The following ZNF101 variants were observed in gnomAD, a reference collection of about 807,000 sequenced individuals.
ZNF101 encodes zinc finger protein 101.
ZNF101 carries 34 observed loss-of-function variants against 42.6 expected under a neutral mutation model. The observed-to-expected ratio is 0.80, with a 90% CI of 0.61 to 1.06. The LOEUF (loss-of-function observed/expected upper bound fraction) is 1.06, where lower values mean the gene tolerates loss of function less well. Ranked by LOEUF, ZNF101 falls within the 50% of genes least tolerant of loss-of-function variation. ZNF101 has a pLI of 0.00. For synonymous variants in ZNF101, 158 were observed against 183.9 expected (o/e 0.86, Z 1.14); for missense variants, 466 against 530.9 (o/e 0.88, Z 1.20).
chr19:19,674,643 G>A (rs2062191258), intron 1 of ZNF101, among the ~76,000 whole-genome samples: 1 of 151,998 alleles, frequency 6.6e-6, no homozygotes, highest in African/African-American at 2.4e-5. Flanking sequence ...TTTTTGTAGT[G>A]TCTGTCTTTG....
At chr19:19,678,583 C>G (rs2062217220) in intron 2 of ZNF101, 143 bp from the exon 3 acceptor site, 2 of 653,842 alleles carry the variant, frequency 3.1e-6, no homozygotes, top group Non-Finnish European at 5.1e-6. Context: ...TCACTGCACT[C>G]CAGCCTGGGT....
In ZNF101 at chr19:19,679,446, C is replaced by T. The variant is rs33967144; in HGVS notation, c.457C>T (p.Pro153Ser). Residue 153 changes from proline (P) to serine (S), a missense_variant, in exon 4 of 4, where the codon CCC becomes TCC. Physicochemically the swap from Pro to Ser is moderately conservative, Grantham distance 74. Coordinates refer to ENST00000592502, the MANE Select transcript of ZNF101 (RefSeq NM_033204.4). ...ACAACATGGGAAAGCCTCCATTTCC[C>T]CCAGTAGTGGTGCACGGCGCACAGT... is the stretch of plus-strand genomic sequence containing the variant. ...QKQHGKASIS[P>S]SSGARRTVTP... 1.5e-3 allele frequency: 2,454 copies of T among 1,614,084 alleles called. 2 individuals carry two copies. Among genetic ancestry groups the T allele is most frequent in the Non-Finnish European group, 1.9e-3 (2,185 of 1,180,002 alleles).
rs994544599 is a variant in ZNF101, at chr19:19,682,046, CTGAG to C, written c.*1748_*1751del. ...TGAGCAATTTTCCTGCCTCAGCCTC[CTGAG>C]TAACTGGGATTATAAGCACATGCCA... On this transcript the variant is annotated 3_prime_UTR_variant, in exon 4 of 4. Coordinates refer to ENST00000592502, the MANE Select transcript of ZNF101 (RefSeq NM_033204.4). 1.3e-4 allele frequency: 20 copies of C among 151,334 alleles called. No homozygotes were observed. The highest frequency in any genetic ancestry group is 2.6e-4 in the Non-Finnish European group (18 of 67,926). The allele number at this position is 151,334 out of a possible 1,614,324, so 9.4% of individuals were successfully genotyped here.
In ZNF101 at chr19:19,668,985, G is replaced by A; in HGVS notation, c.3+19G>A. 6.3e-7 allele frequency: 1 copy of A among 1,583,222 alleles called. No homozygotes were observed. Among genetic ancestry groups the A allele is most frequent in the East Asian group, 2.3e-5 (1 of 43,630 alleles). On this transcript the variant is annotated intron_variant, in intron 1 of 3. Coordinates refer to ENST00000592502, the MANE Select transcript of ZNF101 (RefSeq NM_033204.4). ...GGAAATGGTGAGCGTGCGGAGCCGGGCGTCCGGAGACCTGAGGAGGAGCTG... is the reference window on the plus strand; with the variant it reads ...GGAAATGGTGAGCGTGCGGAGCCGGACGTCCGGAGACCTGAGGAGGAGCTG...
intron 1 of ZNF101, among the ~76,000 whole-genome samples, chr19:19,670,476 T>C (rs1382082900): frequency 1.3e-5 from 2 of 152,184 alleles, no homozygotes; most frequent in African/African-American, 4.8e-5. Flanking sequence ...AAAGCGATTC[T>C]CCTGCCCAGG....
At position 19,680,264 on chromosome 19, in the gene ZNF101, C is replaced by T; in HGVS notation, c.1275C>T (p.Gly425=). The change falls in exon 4 of 4, where the codon GGC becomes GGT. Residue 425 remains glycine, a synonymous_variant. Coordinates refer to ENST00000592502, the MANE Select transcript of ZNF101 (RefSeq NM_033204.4). ...TGGCCGGGCGTAGCCAGTGCTTTGG[C>T]AGGAGGCAGGGGGATCACCTGAGCC... ...THLAGRSQCF[G]RRQGDHLSPG... The T allele has an allele frequency of 5.2e-6, 8 of 1,538,050 alleles. No individual in the cohort carries two copies. The highest frequency in any genetic ancestry group is 7.0e-6 in the Non-Finnish European group (8 of 1,147,018).
At chr19:19,670,496 C>T (rs923634728) in intron 1 of ZNF101, among the ~76,000 whole-genome samples, 3 of 152,234 alleles carry the variant, frequency 2.0e-5, no homozygotes, top group African/African-American at 7.2e-5. Context: ...GTGGCTCACG[C>T]CTGTAATTCC....
upstream of ZNF101, among the ~76,000 whole-genome samples, chr19:19,668,397 G>C (rs1599445211): frequency 1.3e-5 from 2 of 152,110 alleles, no homozygotes; most frequent in Non-Finnish European, 2.9e-5. Flanking sequence ...GGCAGGTGTT[G>C]TGACCGCATC....
rs755622740 is a variant in ZNF101, at chr19:19,679,854, A to G, written c.865A>G (p.Lys289Glu). The change falls in exon 4 of 4, where the codon AAA becomes GAA. Residue 289 changes from lysine to glutamate, a missense_variant. By Grantham distance (56) the Lys-to-Glu change is moderately conservative. Coordinates refer to ENST00000592502, the MANE Select transcript of ZNF101 (RefSeq NM_033204.4). Reference sequence around the variant, plus strand: ...ATCCCACCAATGTCAGGAATGTGGGAAAAAACTCAGTTGTTCCAGTTCCCT... The same window carrying G: ...ATCCCACCAATGTCAGGAATGTGGGGAAAAACTCAGTTGTTCCAGTTCCCT... ...EKSHQCQECGKKLSCSSSLHR... is the reference protein window; with the variant it reads ...EKSHQCQECGEKLSCSSSLHR... 2.6e-5 allele frequency: 42 copies of G among 1,614,010 alleles called. No individual in the cohort carries two copies. The highest frequency in any genetic ancestry group is 1.7e-4 in the Admixed American group (10 of 59,978).
chr19:19,671,948 A>AACAC (rs1568435957), intron 1 of ZNF101, among the ~76,000 whole-genome samples: 1 of 151,826 alleles, frequency 6.6e-6, no homozygotes, highest in African/African-American at 2.4e-5. Flanking sequence ...TGAGGGCAGG[A>AACAC]ACACTGGCAA....
intron 3 of ZNF101, 54 bp from the exon 4 acceptor site, chr19:19,679,127 G>C: frequency 6.4e-7 from 1 of 1,573,694 alleles, no homozygotes; most frequent in South Asian, 1.2e-5. Flanking sequence ...ATGTCAATTA[G>C]TAGAAAAGCA....
In ZNF101 at chr19:19,680,104, G is replaced by GT. The variant is rs2062230571; in HGVS notation, c.1116dup (p.Lys373Ter). 6.2e-7 allele frequency: 1 copy of GT among 1,613,974 alleles called. No homozygotes were observed. Among genetic ancestry groups the GT allele is most frequent in the Non-Finnish European group, 8.5e-7 (1 of 1,180,014 alleles). On this transcript the variant is annotated frameshift_variant, in exon 4 of 4. Coordinates refer to ENST00000592502, the MANE Select transcript of ZNF101 (RefSeq NM_033204.4). LOFTEE classifies it high-confidence loss of function. Reference sequence around the variant, plus strand: ...AAGCCATATGAATGTACAAGGTGTGGTAAAGCCTTTGGGTGGTGCAGTTCC... The same window carrying GT: ...AAGCCATATGAATGTACAAGGTGTGGTTAAAGCCTTTGGGTGGTGCAGTTCC...
rs530409079 is a variant in ZNF101 at position 19,668,869 on chromosome 19, G to C, written c.-95G>C. The C allele has an allele frequency of 6.9e-7, 1 of 1,450,480 alleles. No individual in the cohort carries two copies. Among genetic ancestry groups the C allele is most frequent in the South Asian group, 1.3e-5 (1 of 76,764 alleles). The allele number at this position is 1,450,480 out of a possible 1,614,324, so 89.9% of individuals were successfully genotyped here. ...GGTCCGGGTTTTAGTTCCTCGGGGA[G>C]CCCCTGGTGCCCCGGATACGGCTGA... On this transcript the variant is annotated 5_prime_UTR_variant, in exon 1 of 4. Transcript: ENST00000592502.
intron 1 of ZNF101, among the ~76,000 whole-genome samples, chr19:19,670,034 C>T (rs1209071618): frequency 1.3e-5 from 2 of 152,138 alleles, no homozygotes; most frequent in Non-Finnish European, 2.9e-5. Context: ...CCTCAGCCCA[C>T]CCTCCTATCT....
In ZNF101 at chr19:19,678,789, AAT is replaced by A; in HGVS notation, c.191+4_191+5del. 1 of 1,609,430 alleles carries A rather than the reference AAT, an allele frequency of 6.2e-7. No individual in the cohort carries two copies. Among genetic ancestry groups the A allele is most frequent in the Non-Finnish European group, 8.5e-7 (1 of 1,178,532 alleles). ...CAAAACCTGGGGATTAAGCTAAGGTAATCTCCACTCACAAGAGGAAGCAGTGT... is the reference window on the plus strand; with the variant it reads ...CAAAACCTGGGGATTAAGCTAAGGTACTCCACTCACAAGAGGAAGCAGTGT... On this transcript the variant is annotated splice_donor_5th_base_variant and intron_variant, in intron 3 of 3. Coordinates refer to ENST00000592502, the MANE Select transcript of ZNF101 (RefSeq NM_033204.4).
At chr19:19,675,326 AC>A (rs2062196046) in intron 1 of ZNF101, among the ~76,000 whole-genome samples, 1 of 150,790 alleles carries the variant, frequency 6.6e-6, no homozygotes, top group East Asian at 2.0e-4. Flanking sequence ...TTTAGTAGAG[AC>A]GGAGTTTCAC....
intron 1 of ZNF101, among the ~76,000 whole-genome samples, chr19:19,671,029 C>T (rs1194997719): frequency 6.6e-6 from 1 of 152,196 alleles, no homozygotes; most frequent in Non-Finnish European, 1.5e-5. Flanking sequence ...TGGCGTGAAT[C>T]CGGGAGGCGG....
upstream of ZNF101, chr19:19,668,656 A>AC: frequency 2.4e-6 from 1 of 409,568 alleles, no homozygotes; most frequent in Non-Finnish European, 4.5e-6. Context: ...TGTCAGTCAC[A>AC]CCCCACACAG....
At chr19:19,673,248 C>CTTTTTTTT (rs34694853) in intron 1 of ZNF101, among the ~76,000 whole-genome samples, 1 of 116,138 alleles carries the variant, frequency 8.6e-6, no homozygotes. Context: ...AATGTGCTGG[C>CTTTTTTTT]TTTTTTTTTT....
Sources: gnomAD v4.1 joint callset for allele counts (sites outside exome capture counted in the v4.1 genomes callset) on GRCh38, gnomAD v4.1.1 for gene constraint, MANE v1.5 for transcripts, NCBI Gene and HGNC (gene_info 2026-07-23, HGNC 2026-07-21) for gene names.